The following INPP5B variants were observed in gnomAD, a reference collection of about 807,000 sequenced individuals.
The protein encoded by INPP5B is inositol polyphosphate-5-phosphatase B.
INPP5B carries 90 observed loss-of-function variants against 118.5 expected under a neutral mutation model. That is an observed-to-expected ratio of 0.76 (90% CI 0.64 to 0.90). The LOEUF is 0.90. INPP5B is among the 40% of genes least tolerant of loss of function. INPP5B has a pLI of 0.00. For missense variants in INPP5B, 984 were observed against 1,125.6 expected (o/e 0.87, Z 1.80); for synonymous variants, 385 against 418.9 (o/e 0.92, Z 0.99).
intron 7 of INPP5B, among the ~76,000 whole-genome samples, chr1:37,895,114 G>A (rs1203149994): frequency 6.6e-6 from 1 of 152,080 alleles, no homozygotes; most frequent in East Asian, 1.9e-4. Flanking sequence ...GTTAGTAATG[G>A]TGTATTGGGG....
intron 9 of INPP5B, 34 bp from the exon 10 acceptor site, chr1:37,888,378 A>G: frequency 7.5e-6 from 10 of 1,329,742 alleles, no homozygotes; most frequent in Non-Finnish European, 1.0e-5. Flanking sequence ...GTGACTCCGA[A>G]TCACTATGGA....
chr1:37,901,415 T>C (rs774136448), intron 7 of INPP5B, among the ~76,000 whole-genome samples: 9 of 152,194 alleles, frequency 5.9e-5, no homozygotes, highest in Non-Finnish European at 1.3e-4. Flanking sequence ...ACCTGCACTT[T>C]TCAAACTAAG....
intron 7 of INPP5B, among the ~76,000 whole-genome samples, chr1:37,899,815 G>A (rs1346382864): frequency 6.6e-6 from 1 of 151,104 alleles, no homozygotes; most frequent in Non-Finnish European, 1.5e-5. Context: ...CCGGGTTCAC[G>A]CCATTCTCCT....
At position 37,940,702 on chromosome 1, in the gene INPP5B, G is replaced by A. The variant is rs770371561; in HGVS notation, c.377C>T (p.Ala126Val). 1 of 1,612,956 alleles carries A rather than the reference G, an allele frequency of 6.2e-7. No homozygotes were observed. Among genetic ancestry groups the A allele is most frequent in the South Asian group, 1.1e-5 (1 of 91,052 alleles). The change falls in exon 6 of 24, where the codon GCC becomes GTC. Residue 126 changes from alanine (A) to valine (V), a missense_variant. This residue lies in a region of INPP5B where 350 missense variants were observed against 334.6 expected (regional missense o/e 1.05). Transcript: ENST00000373024. Reference sequence around the variant, plus strand: ...GTCTTACCTACCTGGACAGGCCCTGGCAACTTCGTGGAGGAACATCCTGGT... The same window carrying A: ...GTCTTACCTACCTGGACAGGCCCTGACAACTTCGTGGAGGAACATCCTGGT... ...SQTRMFLHEV[A>V]RACPGFDSAT... is the part of the protein sequence containing the mutation.
chr1:37,923,909 C>T (rs1645137879), intron 7 of INPP5B, among the ~76,000 whole-genome samples: 1 of 151,156 alleles, frequency 6.6e-6, no homozygotes, highest in South Asian at 2.1e-4. Flanking sequence ...CCAAGTGGCA[C>T]GCAGATTACA....
intron 3 of INPP5B, 73 bp from the exon 4 acceptor site, chr1:37,943,966 G>T: frequency 9.1e-7 from 1 of 1,100,178 alleles, no homozygotes; most frequent in South Asian, 1.2e-5. Flanking sequence ...AGGTCTCGGG[G>T]TGCTCACACT....
At chr1:37,866,402 TCTCTCACACACACACACA>T in intron 21 of INPP5B, 39 bp downstream of exon 21, 1 of 680,772 alleles carries the variant, frequency 1.5e-6, no homozygotes, top group South Asian at 1.7e-5. Flanking sequence ...TCTCTCTCTC[TCTCTCACACACACACACA>T]CACACACACA....
chr1:37,863,948 G>A (rs1641869328), intron 23 of INPP5B, among the ~76,000 whole-genome samples: 1 of 151,306 alleles, frequency 6.6e-6, no homozygotes, highest in Admixed American at 6.6e-5. Context: ...CCGTTTAGCT[G>A]GGATTACAGG....
chr1:37,861,827 G>A lies in INPP5B; in HGVS notation c.*488C>T, dbSNP rs538606814. 6.5e-6 allele frequency: 1 copy of A among 152,686 alleles called. No homozygotes were observed. The highest frequency in any genetic ancestry group is 6.5e-5 in the Admixed American group (1 of 15,320). The allele number at this position is 152,686 out of a possible 1,614,324, so 9.5% of individuals were successfully genotyped here. A position where few individuals can be genotyped will look rare whatever the true frequency, so the allele number is the denominator to read the frequency against. ...GAGGCAGGCAGATTACCTGAGTTCA[G>A]GAGTTTTAGAACAGCCTGGGCAACA... On this transcript the variant is annotated 3_prime_UTR_variant, in exon 24 of 24. Transcript: ENST00000373024.
chr1:37,890,362 G>GA (rs978443495), intron 8 of INPP5B, among the ~76,000 whole-genome samples: 1 of 150,556 alleles, frequency 6.6e-6, no homozygotes, highest in South Asian at 2.1e-4. Context: ...GAAAAAAAAA[G>GA]AAAAAAACTG....
chr1:37,876,585 C>T (rs968040203), intron 16 of INPP5B, among the ~76,000 whole-genome samples: 1 of 133,360 alleles, frequency 7.5e-6, no homozygotes, highest in African/African-American at 2.8e-5. Context: ...AAAAAAAGGG[C>T]CCGGTGGCTC....
intron 7 of INPP5B, among the ~76,000 whole-genome samples, chr1:37,901,304 A>G (rs1472348665): frequency 2.0e-5 from 3 of 152,072 alleles, no homozygotes; most frequent in African/African-American, 7.2e-5. Context: ...TTCCTGTGTG[A>G]CATGAGAAGT....
chr1:37,897,180 C>G (rs1341870937), intron 7 of INPP5B, among the ~76,000 whole-genome samples: 1 of 151,848 alleles, frequency 6.6e-6, no homozygotes, highest in Non-Finnish European at 1.5e-5. Flanking sequence ...CTGGCCGCGC[C>G]TACTGGGAAG....
intron 14 of INPP5B, among the ~76,000 whole-genome samples, chr1:37,880,523 C>T (rs964940413): frequency 6.6e-6 from 1 of 152,068 alleles, no homozygotes; most frequent in African/African-American, 2.4e-5. Flanking sequence ...CCGCAACCTC[C>T]ACCTCCCAGG....
At position 37,862,355 on chromosome 1, in the gene INPP5B, G is replaced by A. The variant is rs2148434883; in HGVS notation, c.2702C>T (p.Ala901Val). 1 of 1,613,950 alleles carries A rather than the reference G, an allele frequency of 6.2e-7. No individual in the cohort carries two copies. Among genetic ancestry groups the A allele is most frequent in the African/African-American group, 1.3e-5 (1 of 75,036 alleles). ...QKLDMTEKKKAQEFIHQFLCN... is the reference protein window; with the variant it reads ...QKLDMTEKKKVQEFIHQFLCN... Reference sequence around the variant, plus strand: ...GAGGAACTGGTGAATAAATTCTTGAGCCTTCTTCTTCTCTGTCATATCAAG... The same window carrying A: ...GAGGAACTGGTGAATAAATTCTTGAACCTTCTTCTTCTCTGTCATATCAAG... The change falls in exon 24 of 24, where the codon GCT becomes GTT. Residue 901 changes from alanine (A) to valine (V), a missense_variant. Coordinates refer to ENST00000373024, the MANE Select transcript of INPP5B (RefSeq NM_005540.3).
chr1:37,931,493 G>A, intron 7 of INPP5B: 1 of 1,533,984 alleles, frequency 6.5e-7, no homozygotes, highest in Non-Finnish European at 8.7e-7. Context: ...CGTCACGCAC[G>A]CCTAAGAAGA....
At chr1:37,928,326 A>G (rs896549773) in intron 7 of INPP5B, among the ~76,000 whole-genome samples, 1 of 151,990 alleles carries the variant, frequency 6.6e-6, no homozygotes, top group African/African-American at 2.4e-5. Context: ...GGTGCCTGCC[A>G]CCATGCTCAG....
chr1:37,870,920 C>T (rs1349348110), intron 19 of INPP5B, among the ~76,000 whole-genome samples: 2 of 151,870 alleles, frequency 1.3e-5, no homozygotes, highest in Admixed American at 6.6e-5. Flanking sequence ...TTGGTGAGGC[C>T]GAGGTGGGTG....
chr1:37,916,691 C>T (rs1468509340), intron 7 of INPP5B, among the ~76,000 whole-genome samples: 1 of 152,188 alleles, frequency 6.6e-6, no homozygotes, highest in Non-Finnish European at 1.5e-5. Flanking sequence ...GCTGGGATTA[C>T]AGGCGTGAAC....
Sources: gnomAD v4.1 joint callset for allele counts (sites outside exome capture counted in the v4.1 genomes callset) on GRCh38, gnomAD v4.1.1 for gene constraint, gnomAD v4.1.1 regional missense constraint, MANE v1.5 for transcripts, NCBI Gene and HGNC (gene_info 2026-07-23, HGNC 2026-07-21) for gene names.